STK3: variants seen among roughly 807,000 people sequenced by gnomAD.
STK3 encodes serine/threonine-protein kinase 3.
In STK3, 41 loss-of-function variants were observed where a neutral mutation model predicts 58.0. The ratio of observed to expected loss-of-function variants is 0.71; its 90% CI spans 0.55 to 0.92. The LOEUF is 0.92. Ranked by LOEUF, STK3 falls within the 40% of genes least tolerant of loss-of-function variation. The pLI is 0.00. For synonymous variants in STK3, 170 were observed against 191.0 expected, an observed-to-expected ratio of 0.89 and a Z score of 0.91; for missense variants, 479 against 602.7, an observed-to-expected ratio of 0.79 and a Z score of 2.15.
chr8:98,538,655 T>C (rs773446274), intron 9 of STK3, among the ~76,000 whole-genome samples: 6 of 152,246 alleles, frequency 3.9e-5, no homozygotes, highest in Non-Finnish European at 7.3e-5. Flanking sequence ...ACTGTATCTA[T>C]GAAAATGCTT....
intron 6 of STK3, among the ~76,000 whole-genome samples, chr8:98,624,914 G>A (rs1192372860): frequency 6.6e-6 from 1 of 152,092 alleles, no homozygotes; most frequent in South Asian, 2.1e-4. Flanking sequence ...GCTAGATAGA[G>A]GAGTAAAGTG....
chr8:98,671,138 G>A (rs551052294), intron 6 of STK3, among the ~76,000 whole-genome samples: 3 of 151,178 alleles, frequency 2.0e-5, no homozygotes, highest in African/African-American at 7.4e-5. Flanking sequence ...AAGGCAAAAT[G>A]AAATTAGAGA....
At chr8:98,696,870 A>T (rs1431446648) in intron 6 of STK3, among the ~76,000 whole-genome samples, 1 of 152,234 alleles carries the variant, frequency 6.6e-6, no homozygotes, top group East Asian at 1.9e-4. Flanking sequence ...CGCTGGCCTC[A>T]TAAAATGAGT....
At chr8:98,539,318 G>C (rs1183003765) in intron 9 of STK3, among the ~76,000 whole-genome samples, 1 of 152,176 alleles carries the variant, frequency 6.6e-6, no homozygotes, top group African/African-American at 2.4e-5. Flanking sequence ...TGAGAACCGA[G>C]AGAAAGATAT....
intron 3 of STK3, among the ~76,000 whole-genome samples, chr8:98,864,197 CAAAAAAAAAAA>C (rs35196007): frequency 2.9e-4 from 11 of 37,454 alleles, no homozygotes; most frequent in African/African-American, 9.3e-4. Flanking sequence ...GACTCCTTCT[CAAAAAAAAAAA>C]AAAAAAAAAA....
chr8:98,369,448 G>C (rs1817591235), downstream of STK3, among the ~76,000 whole-genome samples: 2 of 152,154 alleles, frequency 1.3e-5, no homozygotes, highest in South Asian at 4.1e-4. Flanking sequence ...TTAATACGGG[G>C]GTTCAGGGGA....
chr8:98,697,734 A>C (rs556121323), intron 6 of STK3, among the ~76,000 whole-genome samples: 232 of 152,188 alleles, frequency 1.5e-3, no homozygotes, highest in Non-Finnish European at 2.9e-3. Context: ...AGTTTGTTAT[A>C]ATTTCTGTTC....
intron 3 of STK3, among the ~76,000 whole-genome samples, chr8:98,850,567 T>C (rs540916422): frequency 1.3e-5 from 2 of 152,244 alleles, no homozygotes; most frequent in Admixed American, 6.5e-5. Context: ...CTTTCAAGAA[T>C]GAGTATTGAT....
intron 6 of STK3, among the ~76,000 whole-genome samples, chr8:98,626,001 C>A (rs556404047): frequency 3.5e-4 from 53 of 152,326 alleles, no homozygotes; most frequent in Admixed American, 2.7e-3. Context: ...TAATGACTCT[C>A]TTTTCTCTTC....
chr8:98,576,351 C>T (rs1467939290), intron 8 of STK3, among the ~76,000 whole-genome samples: 1 of 152,100 alleles, frequency 6.6e-6, no homozygotes, highest in Non-Finnish European at 1.5e-5. Context: ...TAACATGGTT[C>T]TTCTTTTTTG....
chr8:98,508,004 T>A (rs538613673), intron 10 of STK3, among the ~76,000 whole-genome samples: 5 of 152,334 alleles, frequency 3.3e-5, no homozygotes, highest in Admixed American at 1.3e-4. Context: ...TAGCAAACTG[T>A]ATACTTTACT....
intron 6 of STK3, among the ~76,000 whole-genome samples, chr8:98,652,538 A>T (rs1371406882): frequency 2.0e-5 from 3 of 148,208 alleles, no homozygotes; most frequent in Admixed American, 6.7e-5. Flanking sequence ...CAGACTGGCA[A>T]ATTGGATAAA....
chr8:98,685,806 GA>G (rs888000344), intron 6 of STK3, among the ~76,000 whole-genome samples: 2 of 151,898 alleles, frequency 1.3e-5, no homozygotes, highest in African/African-American at 4.8e-5. Context: ...GGGGTGAGGG[GA>G]GAGTATTCAC....
At chr8:98,708,154 T>G (rs1038894720) in intron 4 of STK3, among the ~76,000 whole-genome samples, 1 of 150,072 alleles carries the variant, frequency 6.7e-6, no homozygotes, top group Non-Finnish European at 1.5e-5. Flanking sequence ...AAAAAAAAAA[T>G]TATCAGTATC....
chr8:98,809,656 G>C (rs1834098068), intron 1 of STK3, among the ~76,000 whole-genome samples: 1 of 152,156 alleles, frequency 6.6e-6, no homozygotes, highest in Non-Finnish European at 1.5e-5. Context: ...GTTGTAACAT[G>C]TATCAGAATT....
At chr8:98,360,115 T>C in the STK3 span, among the ~76,000 whole-genome samples, 1 of 152,150 alleles carries the variant, frequency 6.6e-6, no homozygotes, top group Non-Finnish European at 1.5e-5. Flanking sequence ...CCCTGTATGG[T>C]TTTTACTTAC....
At chr8:98,413,652 GA>G in intron 3 of STK3, 1 of 816,850 alleles carries the variant, frequency 1.2e-6, no homozygotes, top group Non-Finnish European at 2.1e-6. Context: ...ACAAACCGTA[GA>G]AAAGCAGTTG....
At chr8:98,574,138 C>T (rs924436627) in intron 8 of STK3, among the ~76,000 whole-genome samples, 1 of 151,990 alleles carries the variant, frequency 6.6e-6, no homozygotes, top group African/African-American at 2.4e-5. Context: ...GCTATAGGAA[C>T]CAGAAAAGTA....
At chr8:98,461,340 T>C (rs1039840708) in intron 10 of STK3, among the ~76,000 whole-genome samples, 20 of 152,230 alleles carry the variant, frequency 1.3e-4, no homozygotes, top group African/African-American at 4.6e-4. Context: ...TTGCATAGAA[T>C]ATCTTCTTCT....
Sources: allele counts gnomAD v4.1 joint callset (sites outside exome capture counted in the v4.1 genomes callset), GRCh38; gene constraint gnomAD v4.1.1; transcripts MANE v1.5; gene names NCBI Gene and HGNC (gene_info 2026-07-23, HGNC 2026-07-21).